Variants in STN1 observed in about 807,000 individuals in gnomAD.
The protein encoded by STN1 is CST complex subunit STN1.
Under a neutral mutation model 45.5 loss-of-function variants are expected in STN1, and 29 were observed. That is an observed-to-expected ratio of 0.64 (90% CI 0.47 to 0.87). STN1 has a LOEUF of 0.87. Ranked by LOEUF, STN1 falls within the 40% of genes least tolerant of loss-of-function variation. The pLI, the probability that STN1 is intolerant of heterozygous loss-of-function variation, is 0.00. For missense variants in STN1, 376 were observed against 441.4 expected (o/e 0.85, Z 1.33); for synonymous variants, 148 against 159.0 (o/e 0.93, Z 0.52).
At chr10:103,909,426 A>ATATATGTATATATATG (rs1564635026) in intron 3 of STN1, among the ~76,000 whole-genome samples, 7 of 57,076 alleles carry the variant, frequency 1.2e-4, no homozygotes, top group African/African-American at 4.7e-4. Context: ...GTATATATGT[A>ATATATGTATATATATG]TATATATGTA....
rs1843057208 is a variant in STN1, at chr10:103,879,927, C to T, written c.*2757G>A. Among the ~76,000 whole-genome samples the T allele has an allele frequency of 6.6e-6, 1 of 152,208 alleles. No homozygotes were observed. The highest frequency in any genetic ancestry group is 6.5e-5 in the Admixed American group (1 of 15,286). ...CCTCTTCCTGAATCAGGGACATTTT[C>T]CAAAGGAGTGGCACAGGATTTTTTT... On this transcript the variant is annotated 3_prime_UTR_variant, in exon 10 of 10. Transcript: ENST00000224950.
At chr10:103,892,597 G>A (rs1172980229) in intron 7 of STN1, among the ~76,000 whole-genome samples, 2 of 151,898 alleles carry the variant, frequency 1.3e-5, no homozygotes, top group Admixed American at 6.6e-5. Context: ...ATATATATTA[G>A]CCCCCTTTTC....
intron 7 of STN1, among the ~76,000 whole-genome samples, chr10:103,894,031 C>A (rs544965077): frequency 2.0e-5 from 3 of 152,286 alleles, no homozygotes; most frequent in Admixed American, 6.5e-5. Flanking sequence ...CCACACCTAG[C>A]AATCCTCAGC....
In STN1 at chr10:103,917,811, G is replaced by C. The variant is rs931367947; in HGVS notation, c.-62-155C>G. ...AACTCCATGCCACGGGGCGTGTTAA[G>C]AGGCGTTCCTCACGTCAGGACGCCT... On this transcript the variant is annotated intron_variant, in intron 1 of 9. Coordinates refer to ENST00000224950, the MANE Select transcript of STN1 (RefSeq NM_024928.5). 2.8e-5 allele frequency: 15 copies of C among 527,682 alleles called. No individual in the cohort carries two copies. The South Asian group carries it at 3.7e-4, about 13-fold the overall frequency. The allele number at this position is 527,682 out of a possible 1,614,324, so 32.7% of individuals were successfully genotyped here.
intron 2 of STN1, among the ~76,000 whole-genome samples, chr10:103,914,370 A>ATTTTT (rs1292355497): frequency 3.4e-5 from 1 of 29,054 alleles, no homozygotes; most frequent in African/African-American, 8.8e-5. Flanking sequence ...ATATATATAT[A>ATTTTT]TATATTTTTT....
At chr10:103,907,247 C>T (rs776891086) in intron 3 of STN1, among the ~76,000 whole-genome samples, 2 of 152,060 alleles carry the variant, frequency 1.3e-5, no homozygotes, top group Non-Finnish European at 2.9e-5. Flanking sequence ...CTTTATAATA[C>T]TGACACTTGG....
In STN1 at chr10:103,915,804, C is replaced by A. The variant is rs766503140; in HGVS notation, c.133+1658G>T. 2.0e-5 allele frequency among the ~76,000 whole-genome samples: 3 copies of A among 151,946 alleles called. 1 individual carries two copies. The highest frequency in any genetic ancestry group is 7.3e-5 in the African/African-American group (3 of 41,330). ...CCGGTTTTGTAGAAGACAATTTTTC[C>A]GGGGATGGGGGTTGGGGGAACGGTT... On this transcript the variant is annotated intron_variant, in intron 2 of 9. Transcript: ENST00000224950.
chr10:103,909,187 C>T (rs1342736296), intron 3 of STN1, among the ~76,000 whole-genome samples: 1 of 151,034 alleles, frequency 6.6e-6, no homozygotes, highest in Admixed American at 6.6e-5. Flanking sequence ...GGAGAGGAAG[C>T]ACTGTACTAT....
chr10:103,915,691 CAACAA>C (rs1843326230), intron 2 of STN1, among the ~76,000 whole-genome samples: 2 of 152,140 alleles, frequency 1.3e-5, no homozygotes, highest in African/African-American at 4.8e-5. Flanking sequence ...CCAAACACAA[CAACAA>C]AACAAAAACC....
At chr10:103,912,509 T>C (rs1843298730) in intron 2 of STN1, among the ~76,000 whole-genome samples, 1 of 152,214 alleles carries the variant, frequency 6.6e-6, no homozygotes, top group African/African-American at 2.4e-5. Context: ...CCCTGTGTCC[T>C]GTGTAGTCAA....
rs1285745919 is a variant in STN1 at position 103,882,670 on chromosome 10, C to G, written c.*14G>C. The stretch of plus-strand genomic sequence containing the variant: ...CTTATCTTTGTCCTCCTCAGCTGGT[C>G]TGCGTGTCTCTGCTCAGAACGCTGT... On this transcript the variant is annotated 3_prime_UTR_variant, in exon 10 of 10. Transcript: ENST00000224950. 1 of 1,594,366 alleles carries G rather than the reference C, an allele frequency of 6.3e-7. No individual in the cohort carries two copies. Among genetic ancestry groups the G allele is most frequent in the South Asian group, 1.1e-5 (1 of 89,100 alleles).
In STN1 at chr10:103,881,792, G is replaced by GC. The variant is rs1373022618; in HGVS notation, c.*891_*892insG. ...AACAGGCCTACAACATACCTCAGAT[G>GC]TTTTTCCTTTACCTTGTCATTCTGA... On this transcript the variant is annotated 3_prime_UTR_variant, in exon 10 of 10. Transcript: ENST00000224950. Among the ~76,000 whole-genome samples the GC allele has an allele frequency of 6.6e-6, 1 of 152,184 alleles. No homozygotes were observed. Among genetic ancestry groups the GC allele is most frequent in the Non-Finnish European group, 1.5e-5 (1 of 68,040 alleles).
At position 103,881,696 on chromosome 10, in the gene STN1, T is replaced by C. The variant is rs1034794891; in HGVS notation, c.*988A>G. On this transcript the variant is annotated 3_prime_UTR_variant, in exon 10 of 10. Transcript: ENST00000224950. The stretch of plus-strand genomic sequence containing the variant: ...GACGAAGGCAGTGCCTTCTGTGAAA[T>C]GACTGTAATTAACTCCAAATCTTTC... Among the ~76,000 whole-genome samples the C allele has an allele frequency of 6.6e-6, 1 of 152,186 alleles. No individual in the cohort carries two copies. The highest frequency in any genetic ancestry group is 1.5e-5 in the Non-Finnish European group (1 of 68,028).
chr10:103,890,670 G>A (rs751361419), intron 8 of STN1, among the ~76,000 whole-genome samples: 3 of 152,190 alleles, frequency 2.0e-5, no homozygotes, highest in African/African-American at 7.2e-5. Flanking sequence ...ATCCTGGGAC[G>A]GTGTGGGAGG....
intron 2 of STN1, among the ~76,000 whole-genome samples, chr10:103,913,067 T>TCCTAGCATA: frequency 6.6e-6 from 1 of 152,344 alleles, no homozygotes; most frequent in Non-Finnish European, 1.5e-5. Context: ...TCCAAGGAGA[T>TCCTAGCATA]CCTAGCATAT....
At chr10:103,907,007 T>TG in intron 3 of STN1, among the ~76,000 whole-genome samples, 1 of 152,030 alleles carries the variant, frequency 6.6e-6, no homozygotes, top group Non-Finnish European at 1.5e-5. Context: ...GCCTGCTACT[T>TG]GGGGGGCTGA....
intron 4 of STN1, among the ~76,000 whole-genome samples, chr10:103,904,342 G>T (rs913710910): frequency 6.6e-6 from 1 of 151,962 alleles, no homozygotes; most frequent in Non-Finnish European, 1.5e-5. Flanking sequence ...TAGGCCGGGT[G>T]TGGTGGCTCA....
intron 7 of STN1, among the ~76,000 whole-genome samples, chr10:103,894,168 T>A (rs1438668321): frequency 6.6e-6 from 1 of 152,228 alleles, no homozygotes; most frequent in African/African-American, 2.4e-5. Flanking sequence ...ACTTAATCTT[T>A]ATAATTCTAA....
rs1410410053 is a variant in STN1 at position 103,878,737 on chromosome 10, T to C, written c.*3947A>G. 1 of 152,244 alleles carries C rather than the reference T, an allele frequency of 6.6e-6. No homozygotes were observed. Among genetic ancestry groups the C allele is most frequent in the Non-Finnish European group, 1.5e-5 (1 of 68,050 alleles). The allele number at this position is 152,244 out of a possible 1,614,324, so 9.4% of individuals were successfully genotyped here. On this transcript the variant is annotated 3_prime_UTR_variant, in exon 10 of 10. Transcript: ENST00000224950. ...TTTCTAGTAATCTGTCTGATGTGTA[T>C]AATTATTCATCCAGCATTTCCCAAA...
Sources: gnomAD v4.1 joint callset for allele counts (sites outside exome capture counted in the v4.1 genomes callset) on GRCh38, gnomAD v4.1.1 for gene constraint, MANE v1.5 for transcripts, NCBI Gene and HGNC (gene_info 2026-07-23, HGNC 2026-07-21) for gene names.